TENT5D: variants seen among roughly 807,000 people sequenced by gnomAD.
TENT5D encodes the protein cancer/testis antigen 112.
For synonymous variants in TENT5D, 103 were observed against 100.6 expected, an observed-to-expected ratio of 1.02 and a Z score of -0.15; for missense variants, 191 against 287.0, an observed-to-expected ratio of 0.67 and a Z score of 2.42.
intron 1 of TENT5D, among the ~76,000 whole-genome samples, chrX:80,425,250 A>G (rs987577458): frequency 8.9e-6 from 1 of 112,687 alleles, no homozygotes; most frequent in Non-Finnish European, 1.9e-5. Flanking sequence ...AGAAACAAAC[A>G]TGTTTTACAT....
At chrX:80,423,638 G>A (rs12007354) in intron 1 of TENT5D, among the ~76,000 whole-genome samples, 10,542 of 109,756 alleles carry the variant, frequency 0.096, 514 homozygotes, top group African/African-American at 0.18. Context: ...CCTTGGCCCT[G>A]GGACCAATTA....
chrX:80,409,574 C>T (rs913121487), intron 3 of TENT5D, among the ~76,000 whole-genome samples: 10 of 110,420 alleles, frequency 9.1e-5, no homozygotes, highest in Admixed American at 2.9e-4. Context: ...GAACTACAAA[C>T]CACTGCTCAA....
intron 3 of TENT5D, among the ~76,000 whole-genome samples, chrX:80,409,370 C>G (rs1382840434): frequency 1.8e-5 from 2 of 111,064 alleles, no homozygotes; most frequent in Non-Finnish European, 3.8e-5. Context: ...AGCCCAAAAT[C>G]TCCTTCAGCT....
chrX:80,357,811 CTACTT>C (rs1337429852), intron 3 of TENT5D, among the ~76,000 whole-genome samples: 1 of 111,424 alleles, frequency 9.0e-6, no homozygotes, highest in Non-Finnish European at 1.9e-5. Flanking sequence ...TGGAAAAAAA[CTACTT>C]TAAAGTTCAT....
intron 1 of TENT5D, among the ~76,000 whole-genome samples, chrX:80,435,935 A>G (rs914462269): frequency 1.8e-5 from 2 of 112,270 alleles, no homozygotes; most frequent in Non-Finnish European, 3.8e-5. Context: ...TAGCTATTAC[A>G]GGAATAAATT....
At chrX:80,427,526 T>C (rs1387571756) in intron 1 of TENT5D, among the ~76,000 whole-genome samples, 2 of 112,322 alleles carry the variant, frequency 1.8e-5, no homozygotes, top group Non-Finnish European at 3.8e-5. Flanking sequence ...AGAGCTTTTA[T>C]TTTTCCCTTT....
chrX:80,379,000 G>C (rs888029912), intron 3 of TENT5D, among the ~76,000 whole-genome samples: 6 of 107,916 alleles, frequency 5.6e-5, no homozygotes, highest in Non-Finnish European at 1.9e-5. Flanking sequence ...ATTGGCTGTG[G>C]GTTTCTCATG....
intron 3 of TENT5D, among the ~76,000 whole-genome samples, chrX:80,405,581 C>T (rs780369916): frequency 9.6e-4 from 108 of 112,415 alleles, no homozygotes; most frequent in African/African-American, 3.3e-3. Context: ...GATTATATCT[C>T]GCACCTGGCT....
intron 2 of TENT5D, among the ~76,000 whole-genome samples, chrX:80,440,466 T>G (rs999612330): frequency 6.3e-5 from 7 of 110,986 alleles, no homozygotes; most frequent in Admixed American, 9.7e-5. Flanking sequence ...TTGGCAATTT[T>G]TTTTTAGTTA....
intron 1 of TENT5D, among the ~76,000 whole-genome samples, chrX:80,432,821 C>T (rs1044313852): frequency 9.0e-6 from 1 of 110,535 alleles, no homozygotes; most frequent in Non-Finnish European, 1.9e-5. Context: ...AATTGGTTGC[C>T]CACCATGAGG....
intron 3 of TENT5D, among the ~76,000 whole-genome samples, chrX:80,369,944 C>T (rs897918926): frequency 9.1e-5 from 10 of 110,219 alleles, no homozygotes; most frequent in Admixed American, 3.9e-4. Context: ...TTTAGAGAGA[C>T]GCTCTTGCTG....
chrX:80,439,222 G>C (rs1932235972), intron 2 of TENT5D, among the ~76,000 whole-genome samples: 1 of 111,483 alleles, frequency 9.0e-6, no homozygotes, highest in East Asian at 2.8e-4. Context: ...AAGAGTTTCT[G>C]CCTTGAATTT....
intron 3 of TENT5D, among the ~76,000 whole-genome samples, chrX:80,346,026 A>G (rs895587272): frequency 8.9e-6 from 1 of 112,131 alleles, no homozygotes; most frequent in Non-Finnish European, 1.9e-5. Context: ...CCCTGTGTAT[A>G]GATCTGTTAT....
At chrX:80,411,934 C>G (rs146965065) in intron 3 of TENT5D, among the ~76,000 whole-genome samples, 4,013 of 111,972 alleles carry the variant, frequency 0.036, 112 homozygotes, top group Admixed American at 0.14. Flanking sequence ...TAGGCAGTAC[C>G]CCAGTAAGGA....
chrX:80,425,525 T>A, intron 1 of TENT5D, among the ~76,000 whole-genome samples: 1 of 112,483 alleles, frequency 8.9e-6, no homozygotes, highest in East Asian at 2.8e-4. Flanking sequence ...CAGCTGAGTT[T>A]AAAACATTTT....
chrX:80,417,440 G>GTTT (rs57010295), upstream of TENT5D, among the ~76,000 whole-genome samples: 2 of 92,701 alleles, frequency 2.2e-5, no homozygotes, highest in African/African-American at 3.9e-5. Context: ...GCTGGTAATA[G>GTTT]TTTTTTTTTT....
At chrX:80,395,135 C>A (rs772453280) in intron 3 of TENT5D, among the ~76,000 whole-genome samples, 5 of 111,776 alleles carry the variant, frequency 4.5e-5, no homozygotes, top group Non-Finnish European at 9.4e-5. Flanking sequence ...CTTTCTGTGT[C>A]TGGCTTATTT....
intron 3 of TENT5D, among the ~76,000 whole-genome samples, chrX:80,358,430 A>G (rs923296978): frequency 8.9e-6 from 1 of 112,101 alleles, no homozygotes; most frequent in Non-Finnish European, 1.9e-5. Context: ...GTTTTAAAAT[A>G]CCCTCTCTAA....
At chrX:80,349,551 C>A (rs1930133790) in intron 3 of TENT5D, among the ~76,000 whole-genome samples, 1 of 108,820 alleles carries the variant, frequency 9.2e-6, no homozygotes, top group Non-Finnish European at 1.9e-5. Flanking sequence ...TCTCTCTTTT[C>A]TTCTAGTCTG....
Sources: gnomAD v4.1 joint callset for allele counts (sites outside exome capture counted in the v4.1 genomes callset) on GRCh38, gnomAD v4.1.1 for gene constraint, MANE v1.5 for transcripts, NCBI Gene and HGNC (gene_info 2026-07-23, HGNC 2026-07-21) for gene names.